The following TMTC1 variants were observed in gnomAD, a reference collection of about 807,000 sequenced individuals.
TMTC1 encodes the protein protein O-mannosyl-transferase TMTC1.
In TMTC1, 73 loss-of-function variants were observed where a neutral mutation model predicts 104.8. That is an observed-to-expected ratio of 0.70 (90% confidence interval 0.58 to 0.85). The LOEUF (loss-of-function observed/expected upper bound fraction) is 0.85, where lower values mean the gene tolerates loss of function less well. Among genes scored for constraint, TMTC1 ranks in the 40% least tolerant of loss-of-function variants. The pLI, the probability that TMTC1 is intolerant of heterozygous loss-of-function variation, is 0.00. For synonymous variants in TMTC1, 434 were observed against 428.7 expected (o/e 1.01, Z -0.15); for missense variants, 1,035 against 1,096.1 (o/e 0.94, Z 0.79).
rs148051558 is a variant in TMTC1, at chr12:29,577,147, T to G, written c.1419-4929A>C. ...GTTTTTAAATGTACAGATGCTAATT[T>G]TTTTTCTTTTTTAGCATATCTAGTG... is the stretch of plus-strand genomic sequence containing the variant. On this transcript the variant is annotated intron_variant, in intron 8 of 17. Coordinates refer to ENST00000539277, the MANE Select transcript of TMTC1 (RefSeq NM_001193451.2). Among the ~76,000 whole-genome samples, 287 of 152,290 alleles carry G rather than the reference T, an allele frequency of 1.9e-3. 1 individual carries two copies. The highest frequency in any genetic ancestry group is 1.5e-3 in the Non-Finnish European group (101 of 68,014).
intron 11 of TMTC1, among the ~76,000 whole-genome samples, chr12:29,521,566 C>CTTTCTT (rs1944162445): frequency 2.2e-5 from 2 of 89,642 alleles, no homozygotes; most frequent in Non-Finnish European, 5.1e-5. Context: ...TTCTTTCTTT[C>CTTTCTT]TTTTTTTTTT....
chr12:29,620,647 C>T (rs1947107782), intron 6 of TMTC1, among the ~76,000 whole-genome samples: 1 of 152,180 alleles, frequency 6.6e-6, no homozygotes, highest in South Asian at 2.1e-4. Flanking sequence ...TTTTCTAACA[C>T]TGCATCAAAT....
At chr12:29,751,593 C>T (rs1943090979) in intron 5 of TMTC1, 73 bp downstream of exon 5, 1 of 1,533,102 alleles carries the variant, frequency 6.5e-7, no homozygotes, top group Non-Finnish European at 9.0e-7. Context: ...TTCACTTCCC[C>T]AGGCATCCCA....
At position 29,505,110 on chromosome 12, in the gene TMTC1, T is replaced by A. The variant is rs1196216312; in HGVS notation, c.*1736A>T. 6.6e-6 allele frequency: 1 copy of A among 152,232 alleles called. No homozygotes were observed. The allele number at this position is 152,232 out of a possible 1,614,324, so 9.4% of individuals were successfully genotyped here. On this transcript the variant is annotated 3_prime_UTR_variant, in exon 18 of 18. Coordinates refer to ENST00000539277, the MANE Select transcript of TMTC1 (RefSeq NM_001193451.2). Reference sequence around the variant, plus strand: ...GCTAATTCAAATTCTGTAATCATTTTCATTTAAAATACTCCCTTCGCCATG... The same window carrying A: ...GCTAATTCAAATTCTGTAATCATTTACATTTAAAATACTCCCTTCGCCATG...
In TMTC1 at chr12:29,767,835, C is replaced by T. The variant is rs182329426; in HGVS notation, c.480+63G>A. 566 of 1,409,990 alleles carry T rather than the reference C, an allele frequency of 4.0e-4. 5 individuals are homozygous for T. In the African/African-American group the frequency reaches 6.4e-3, roughly 16 times the overall value. The allele number at this position is 1,409,990 out of a possible 1,614,324, so 87.3% of individuals were successfully genotyped here. A position where few individuals can be genotyped will look rare whatever the true frequency, so the allele number is the denominator to read the frequency against. On this transcript the variant is annotated intron_variant, in intron 2 of 17. Transcript: ENST00000539277. The stretch of plus-strand genomic sequence containing the variant: ...ATGTATATATATGTGTGTGTATACA[C>T]GTATACACGTATACATACACACATT...
intron 5 of TMTC1, among the ~76,000 whole-genome samples, chr12:29,684,853 C>A (rs1289622401): frequency 6.6e-6 from 1 of 152,130 alleles, no homozygotes; most frequent in Admixed American, 6.6e-5. Flanking sequence ...CTGCAAATGA[C>A]TGGTTATTGT....
At chr12:29,637,189 T>G (rs568932616) in intron 5 of TMTC1, among the ~76,000 whole-genome samples, 1 of 151,236 alleles carries the variant, frequency 6.6e-6, no homozygotes, top group Non-Finnish European at 1.5e-5. Flanking sequence ...CTAATTACAC[T>G]GGAGATAGGG....
intron 5 of TMTC1, among the ~76,000 whole-genome samples, chr12:29,644,437 C>G (rs1435268215): frequency 6.6e-6 from 1 of 151,538 alleles, no homozygotes; most frequent in Non-Finnish European, 1.5e-5. Flanking sequence ...AATGGGTGCA[C>G]CAAAATCTCA....
chr12:29,621,341 T>G (rs759515273), intron 6 of TMTC1, among the ~76,000 whole-genome samples: 4 of 152,226 alleles, frequency 2.6e-5, no homozygotes, highest in Non-Finnish European at 5.9e-5. Context: ...AAATGCAAAA[T>G]AATTTCCAGA....
intron 10 of TMTC1, among the ~76,000 whole-genome samples, chr12:29,548,161 T>C (rs1459723928): frequency 6.6e-6 from 1 of 152,100 alleles, no homozygotes; most frequent in Non-Finnish European, 1.5e-5. Flanking sequence ...TGGAGAGAAT[T>C]TGAAGACCTA....
chr12:29,529,052 T>C (rs1944427159), intron 11 of TMTC1, among the ~76,000 whole-genome samples: 1 of 152,276 alleles, frequency 6.6e-6, no homozygotes. Context: ...TTGGAATATA[T>C]AAAGAAAATC....
chr12:29,688,039 A>G (rs1193498527), intron 5 of TMTC1, among the ~76,000 whole-genome samples: 1 of 152,156 alleles, frequency 6.6e-6, no homozygotes, highest in Non-Finnish European at 1.5e-5. Context: ...AAGAAAACAT[A>G]CACTGAAACA....
intron 6 of TMTC1, among the ~76,000 whole-genome samples, chr12:29,607,204 G>T (rs530062143): frequency 6.6e-6 from 1 of 152,290 alleles, no homozygotes; most frequent in African/African-American, 2.4e-5. Context: ...TTGTAATTAC[G>T]TGTGTATCTG....
intron 1 of TMTC1, among the ~76,000 whole-genome samples, chr12:29,776,609 T>C (rs1176123627): frequency 6.6e-6 from 1 of 152,248 alleles, no homozygotes; most frequent in Non-Finnish European, 1.5e-5. Context: ...ATGATAAATC[T>C]TGAGTCCCTA....
intron 5 of TMTC1, among the ~76,000 whole-genome samples, chr12:29,633,953 A>G (rs2136511268): frequency 6.6e-6 from 1 of 152,294 alleles, no homozygotes; most frequent in African/African-American, 2.4e-5. Context: ...TTGGGGGTAG[A>G]GAAAATGGAA....
intron 8 of TMTC1, among the ~76,000 whole-genome samples, chr12:29,574,915 T>C (rs1469212211): frequency 6.6e-6 from 1 of 152,158 alleles, no homozygotes; most frequent in Non-Finnish European, 1.5e-5. Flanking sequence ...GCAGCAAGAA[T>C]AAGGCTGTCC....
Position 29,779,704 on chromosome 12 carries a change from T to C in TMTC1, c.302+3746A>G, listed in dbSNP as rs148604955. ...TTAATAAAAAATATGTTTGGAGTAT[T>C]GCACTGAGAAAGGTCCTGTGAGGAG... is the stretch of plus-strand genomic sequence containing the variant. On this transcript the variant is annotated intron_variant, in intron 1 of 17. Transcript: ENST00000539277. Among the ~76,000 whole-genome samples, 7 of 152,340 alleles carry C rather than the reference T, an allele frequency of 4.6e-5. No individual in the cohort carries two copies. In the East Asian group the frequency reaches 1.2e-3, roughly 25 times the overall value.
At chr12:29,547,912 A>G (rs1450848518) in intron 10 of TMTC1, among the ~76,000 whole-genome samples, 3 of 152,224 alleles carry the variant, frequency 2.0e-5, no homozygotes, top group Non-Finnish European at 4.4e-5. Context: ...GAGCTTCAAA[A>G]TCAGAAGGAG....
At chr12:29,592,674 A>C (rs923387730) in intron 7 of TMTC1, among the ~76,000 whole-genome samples, 1 of 152,150 alleles carries the variant, frequency 6.6e-6, no homozygotes, top group African/African-American at 2.4e-5. Flanking sequence ...TTGCATGTCC[A>C]CCCTGACACT....
Sources: allele counts gnomAD v4.1 joint callset (sites outside exome capture counted in the v4.1 genomes callset), GRCh38; gene constraint gnomAD v4.1.1; transcripts MANE v1.5; gene names NCBI Gene and HGNC (gene_info 2026-07-23, HGNC 2026-07-21).